GBF1: variants seen among roughly 807,000 people sequenced by gnomAD.
The protein encoded by GBF1 is Golgi-specific brefeldin A-resistance guanine nucleotide exchange factor 1.
A neutral mutation model predicts 210.5 loss-of-function variants in GBF1; 114 were observed. The observed-to-expected ratio is 0.54, with a 90% confidence interval of 0.47 to 0.63. The LOEUF (loss-of-function observed/expected upper bound fraction) is 0.63, where lower values mean the gene tolerates loss of function less well. GBF1 is among the 30% of genes least tolerant of loss of function. The pLI is 0.00. For missense variants in GBF1, 1,851 were observed against 2,357.7 expected, an observed-to-expected ratio of 0.79 and a Z score of 4.45; for synonymous variants, 850 against 889.2, an observed-to-expected ratio of 0.96 and a Z score of 0.78.
the GBF1 span, among the ~76,000 whole-genome samples, chr10:102,238,731 C>A: frequency 1.3e-5 from 2 of 152,194 alleles, no homozygotes; most frequent in Non-Finnish European, 2.9e-5. Context: ...TGCCTATCCC[C>A]ATTACACCTC....
At chr10:102,231,542 C>G in the GBF1 span, 1 of 1,320,886 alleles carries the variant, frequency 7.6e-7, no homozygotes, top group Non-Finnish European at 1.1e-6. Context: ...GCAGGCTGAG[C>G]GCGGAGGGCC....
intron 3 of GBF1, among the ~76,000 whole-genome samples, chr10:102,286,902 A>G (rs998185534): frequency 1.3e-5 from 2 of 152,102 alleles, no homozygotes; most frequent in African/African-American, 4.8e-5. Flanking sequence ...ACCTACCCTT[A>G]ACTAACCCCC....
At chr10:102,238,070 G>A in the GBF1 span, among the ~76,000 whole-genome samples, 1 of 152,094 alleles carries the variant, frequency 6.6e-6, no homozygotes, top group African/African-American at 2.4e-5. Context: ...AAGGCCCCGG[G>A]GCAGGACAAT....
At chr10:102,351,141 G>GC in intron 4 of GBF1, 115 bp from the exon 5 acceptor site, 2 of 609,942 alleles carry the variant, frequency 3.3e-6, no homozygotes, top group Admixed American at 5.9e-5. Context: ...AGCTCAAGGA[G>GC]CCACGGGTTA....
intron 3 of GBF1, among the ~76,000 whole-genome samples, chr10:102,302,982 T>G (rs1000335648): frequency 6.6e-6 from 1 of 150,596 alleles, no homozygotes; most frequent in Non-Finnish European, 1.5e-5. Flanking sequence ...TGATCCATTT[T>G]AAGCTTTTTT....
At chr10:102,272,130 G>A (rs1450783093) in intron 3 of GBF1, among the ~76,000 whole-genome samples, 2 of 148,328 alleles carry the variant, frequency 1.3e-5, no homozygotes, top group East Asian at 2.0e-4. Context: ...TTTTTTAGAC[G>A]GAGTCTTGCT....
rs1282375287 is a variant in GBF1, at chr10:102,379,942, A to C, written c.4866A>C (p.Thr1622=). Residue 1622 remains threonine, a synonymous_variant, in exon 36 of 40, where the codon ACA becomes ACC. Coordinates refer to ENST00000369983, the MANE Select transcript of GBF1 (RefSeq NM_001377137.1). ...GMEETRMRAS[T]LLSKVFLQHL... ...AGGAGACCCGGATGAGGGCTTCCAC[A>C]TTGCTCTCTAAGGTACTGCTCACCA... 3 of 1,605,466 alleles carry C rather than the reference A, an allele frequency of 1.9e-6. No individual in the cohort carries two copies. The highest frequency in any genetic ancestry group is 1.7e-6 in the Non-Finnish European group (2 of 1,172,792).
intron 3 of GBF1, among the ~76,000 whole-genome samples, chr10:102,327,256 T>C (rs1234930895): frequency 6.6e-6 from 1 of 152,166 alleles, no homozygotes; most frequent in Non-Finnish European, 1.5e-5. Context: ...TCTTCTCTCC[T>C]GCCAAATCCT....
In GBF1 at chr10:102,362,654, A is replaced by T. The variant is rs1444832841; in HGVS notation, c.1866A>T (p.Glu622Asp). Residue 622 changes from glutamate (E) to aspartate (D), a missense_variant, in exon 15 of 40, where the codon GAA (glutamate) becomes GAT (aspartate). This residue lies in a region of GBF1 where 804 missense variants were observed against 958.6 expected (regional missense o/e 0.84). Transcript: ENST00000369983. ...PSCEIVDGTR[E>D]ASNTERTASD... ...GTGAGATAGTAGATGGCACCCGAGAAGCTAGCAATAGTGAGAGGCATTTCT... is the reference window on the plus strand; with the variant it reads ...GTGAGATAGTAGATGGCACCCGAGATGCTAGCAATAGTGAGAGGCATTTCT... 5.0e-6 allele frequency: 8 copies of T among 1,612,434 alleles called. No homozygotes were observed. Among genetic ancestry groups the T allele is most frequent in the African/African-American group, 1.3e-5 (1 of 74,900 alleles).
At chr10:102,288,723 A>AC (rs2076176901) in intron 3 of GBF1, among the ~76,000 whole-genome samples, 1 of 82,198 alleles carries the variant, frequency 1.2e-5, no homozygotes, top group Non-Finnish European at 3.1e-5. Context: ...GTCTCAAAGG[A>AC]AAAAAAAAAA....
At chr10:102,276,965 TAC>T (rs112061268) in intron 3 of GBF1, among the ~76,000 whole-genome samples, 10,269 of 147,970 alleles carry the variant, frequency 0.069, 679 homozygotes, top group African/African-American at 0.18. Context: ...TTTTGCTACT[TAC>T]ACACACACAC....
In GBF1 at chr10:102,359,367, C is replaced by T. The variant is rs1003880241; in HGVS notation, c.1112C>T (p.Ala371Val). 1.3e-5 allele frequency: 21 copies of T among 1,613,030 alleles called. No homozygotes were observed. The highest frequency in any genetic ancestry group is 1.8e-5 in the Non-Finnish European group (21 of 1,178,974). The change falls in exon 11 of 40, where the codon GCC (alanine) becomes GTC (valine). Residue 371 changes from alanine (A) to valine (V), a missense_variant. Transcript: ENST00000369983. ...TCCCCTGCCGACCACTCTGACTCTG[C>T]CTCTGTCCATGACATGGATTACGTC... ...CTSPADHSDSASVHDMDYVNP... is the reference protein window; with the variant it reads ...CTSPADHSDSVSVHDMDYVNP...
intron 3 of GBF1, among the ~76,000 whole-genome samples, chr10:102,274,598 T>C (rs1405517699): frequency 1.3e-5 from 2 of 152,062 alleles, no homozygotes; most frequent in Admixed American, 1.3e-4. Flanking sequence ...CAATGGCTGA[T>C]TGTTTTTTCT....
intron 21 of GBF1, 79 bp downstream of exon 21, chr10:102,367,639 G>A: frequency 1.1e-6 from 1 of 882,344 alleles, no homozygotes. Flanking sequence ...TTAGAGTCAT[G>A]TCAGACTGCA....
At chr10:102,324,991 T>C (rs2056766510) in intron 3 of GBF1, among the ~76,000 whole-genome samples, 1 of 152,246 alleles carries the variant, frequency 6.6e-6, no homozygotes, top group African/African-American at 2.4e-5. Flanking sequence ...AGGTGCCTAG[T>C]ACAATGCATA....
chr10:102,367,442 G>T, intron 20 of GBF1, 36 bp from the exon 21 acceptor site: 1 of 1,388,356 alleles, frequency 7.2e-7, no homozygotes, highest in South Asian at 1.2e-5. Flanking sequence ...CTTCAGTGTT[G>T]ACACAAGGGG....
At chr10:102,270,777 A>G (rs572905945) in intron 3 of GBF1, among the ~76,000 whole-genome samples, 5 of 152,242 alleles carry the variant, frequency 3.3e-5, no homozygotes, top group African/African-American at 1.2e-4. Flanking sequence ...TTGTCCCCAA[A>G]CTTTTATAGC....
At chr10:102,277,694 TC>T (rs1402420348) in intron 3 of GBF1, among the ~76,000 whole-genome samples, 1 of 152,220 alleles carries the variant, frequency 6.6e-6, no homozygotes, top group Non-Finnish European at 1.5e-5. Flanking sequence ...TGATCTTTTA[TC>T]CCTTAATACT....
At chr10:102,313,475 A>G (rs1412836716) in intron 3 of GBF1, among the ~76,000 whole-genome samples, 1 of 152,040 alleles carries the variant, frequency 6.6e-6, no homozygotes, top group African/African-American at 2.4e-5. Flanking sequence ...TGCCCCAAAT[A>G]CTTGTGATAT....
Sources: gnomAD v4.1 joint callset for allele counts (sites outside exome capture counted in the v4.1 genomes callset) on GRCh38, gnomAD v4.1.1 for gene constraint, gnomAD v4.1.1 regional missense constraint, MANE v1.5 for transcripts, NCBI Gene and HGNC (gene_info 2026-07-23, HGNC 2026-07-21) for gene names.